CUL7: variants seen among roughly 807,000 people sequenced by gnomAD.
CUL7 encodes the protein cullin-7.
A neutral mutation model predicts 177.7 loss-of-function variants in CUL7; 96 were observed. That is an observed-to-expected ratio of 0.54 (90% CI 0.46 to 0.64). CUL7 has a LOEUF of 0.64. Ranked by LOEUF, CUL7 falls within the 30% of genes least tolerant of loss-of-function variation. CUL7 has a pLI of 0.00. For missense variants in CUL7, 1,893 were observed against 2,187.9 expected (o/e 0.87, Z 2.69); for synonymous variants, 824 against 890.2 (o/e 0.93, Z 1.32).
chr6:43,046,742 G>A (rs1763948168), intron 10 of CUL7, 138 bp downstream of exon 10: 2 of 1,364,964 alleles, frequency 1.5e-6, no homozygotes, highest in Non-Finnish European at 2.1e-6. Flanking sequence ...ATGGGGCAGA[G>A]GGGAAGGGGA....
intron 19 of CUL7, among the ~76,000 whole-genome samples, chr6:43,041,439 C>G (rs970168944): frequency 6.6e-6 from 1 of 151,924 alleles, no homozygotes; most frequent in Non-Finnish European, 1.5e-5. Context: ...AACCCCATCT[C>G]TACTAAAAAT....
Position 43,040,560 on chromosome 6 carries a change from CAG to C in CUL7, c.3991_3992del (p.Leu1331GlufsTer47). 2.5e-6 allele frequency: 4 copies of C among 1,614,040 alleles called. No homozygotes were observed. Among genetic ancestry groups the C allele is most frequent in the Non-Finnish European group, 2.5e-6 (3 of 1,180,004 alleles). On this transcript the variant is annotated frameshift_variant, in exon 21 of 26. Coordinates refer to ENST00000265348, the MANE Select transcript of CUL7 (RefSeq NM_014780.5). LOFTEE classifies it high-confidence loss of function. This position sits in a 1 kb window ranked among gnomAD's most constrained non-coding sequence, Gnocchi z 4.2. Reference protein sequence around the residue: ...YQLQQLDQELLKLEDTEKKIQ... With the variant: ...YQLQQLDQELXKLEDTEKKIQ... ...TTTTCTTCTCTGTATCCTCCAGCTT[CAG>C]GAGTTCCTGATCCAGCTGCTGGAGC...
At chr6:43,048,854 G>A (rs754382998) in intron 7 of CUL7, among the ~76,000 whole-genome samples, 21 of 149,906 alleles carry the variant, frequency 1.4e-4, no homozygotes, top group Non-Finnish European at 2.8e-4. Flanking sequence ...TGCAACCTCC[G>A]CCTCCTGGGT....
In CUL7 at chr6:43,043,352, G is replaced by T; in HGVS notation, c.3355+96C>A. 7.6e-7 allele frequency: 1 copy of T among 1,324,074 alleles called. No individual in the cohort carries two copies. The highest frequency in any genetic ancestry group is 1.1e-6 in the Non-Finnish European group (1 of 922,756). 82.0% of individuals were successfully genotyped at this position (1,324,074 alleles called of 1,614,324 possible). On this transcript the variant is annotated intron_variant, in intron 17 of 25. Transcript: ENST00000265348. This position sits in a 1 kb window ranked among gnomAD's most constrained non-coding sequence, Gnocchi z 4.2. ...ATGAACAGGCTGAGCCCATAGGGAG[G>T]GGAAGGATGGGGATGGACAGAAGCC...
At position 43,050,816 on chromosome 6, in the gene CUL7, C is replaced by A. The variant is rs370558597; in HGVS notation, c.1233+152G>T. On this transcript the variant is annotated intron_variant, in intron 4 of 25. Transcript: ENST00000265348. This position sits in a 1 kb window ranked among gnomAD's most constrained non-coding sequence, Gnocchi z 4.1. Reference sequence around the variant, plus strand: ...AGATTTTCCCAGCTCTCAGAATGGCCCCCCTCTCAACTACTGACTCTTTTC... The same window carrying A: ...AGATTTTCCCAGCTCTCAGAATGGCACCCCTCTCAACTACTGACTCTTTTC... 1.5e-5 allele frequency: 15 copies of A among 993,560 alleles called. No homozygotes were observed. In the African/African-American group the frequency reaches 1.6e-4, roughly 11 times the overall value. The allele number at this position is 993,560 out of a possible 1,614,324, so 61.5% of individuals were successfully genotyped here. A position where few individuals can be genotyped will look rare whatever the true frequency, so the allele number is the denominator to read the frequency against.
Position 43,052,884 on chromosome 6 carries a change from G to A in CUL7, c.-8-88C>T. 2 of 1,379,812 alleles carry A rather than the reference G, an allele frequency of 1.4e-6. No individual in the cohort carries two copies. Among genetic ancestry groups the A allele is most frequent in the South Asian group, 2.5e-5 (2 of 80,966 alleles). The allele number at this position is 1,379,812 out of a possible 1,614,324, so 85.5% of individuals were successfully genotyped here. A position where few individuals can be genotyped will look rare whatever the true frequency, so the allele number is the denominator to read the frequency against. ...ATATCCAGGAGGTGGGGAAGCAAAT[G>A]GCAACAGCTGTCAGGCGGGGTGGGG... On this transcript the variant is annotated intron_variant, in intron 1 of 25. Coordinates refer to ENST00000265348, the MANE Select transcript of CUL7 (RefSeq NM_014780.5). The surrounding 1 kb of genome is among the most constrained non-coding windows in gnomAD (Gnocchi z 4.5).
chr6:43,051,294 G>A lies in CUL7; in HGVS notation c.907C>T (p.Leu303=). 1 of 1,610,194 alleles carries A rather than the reference G, an allele frequency of 6.2e-7. No individual in the cohort carries two copies. The highest frequency in any genetic ancestry group is 1.1e-5 in the South Asian group (1 of 90,892). Residue 303 remains leucine, a synonymous_variant, in exon 4 of 26, where the codon CTG becomes TTG. Coordinates refer to ENST00000265348, the MANE Select transcript of CUL7 (RefSeq NM_014780.5). The surrounding 1 kb of genome is among the most constrained non-coding windows in gnomAD (Gnocchi z 5.0). The part of the protein sequence containing the change: ...ELEFSMAMGT[L]ISELVQAMRW... ...ATGGCTTGCACCAGCTCCGAGATCA[G>A]GGTGCCCATGGCCATACTGAACTCC... is the stretch of plus-strand genomic sequence containing the variant.
chr6:43,044,323 A>G (rs1243939478), intron 16 of CUL7, among the ~76,000 whole-genome samples: 2 of 151,944 alleles, frequency 1.3e-5, no homozygotes, highest in Non-Finnish European at 2.9e-5. Flanking sequence ...ACTCTGTCTC[A>G]AAAAAATAAA....
At chr6:43,047,202 T>C (rs1428276167) in intron 9 of CUL7, 95 bp from the exon 10 acceptor site, 2 of 780,454 alleles carry the variant, frequency 2.6e-6, no homozygotes, top group Non-Finnish European at 4.7e-6. Context: ...CTCTGTGTAC[T>C]GGGTGCTAGG....
At position 43,051,613 on chromosome 6, in the gene CUL7, T is replaced by A. The variant is rs905215009; in HGVS notation, c.731A>T (p.Gln244Leu). ...PMSFEGIQLP[Q>L]VPGRVLFSLV... is the part of the protein sequence containing the mutation. Reference sequence around the variant, plus strand: ...CCACCTTACACCCCCAAAGGTTACCTGTGGTAGCTGAATGCCCTCGAAAGA... The same window carrying A: ...CCACCTTACACCCCCAAAGGTTACCAGTGGTAGCTGAATGCCCTCGAAAGA... Residue 244 changes from glutamine to leucine, a missense_variant and splice_region_variant, in exon 3 of 26, where the codon CAG becomes CTG. This residue lies in a region of CUL7 where 653 missense variants were observed against 725.2 expected (regional missense o/e 0.90). Transcript: ENST00000265348. This position sits in a 1 kb window ranked among gnomAD's most constrained non-coding sequence, Gnocchi z 5.0. 1 of 1,614,052 alleles carries A rather than the reference T, an allele frequency of 6.2e-7. No individual in the cohort carries two copies. Among genetic ancestry groups the A allele is most frequent in the African/African-American group, 1.3e-5 (1 of 74,910 alleles).
rs777504656 is a variant in CUL7, at chr6:43,052,346, G to C, written c.443C>G (p.Ala148Gly). 3.9e-5 allele frequency: 63 copies of C among 1,614,106 alleles called. 1 individual carries two copies. Among genetic ancestry groups the C allele is most frequent in the Admixed American group, 1.7e-4 (10 of 60,014 alleles). ...LHTVHVLSAY[A>G]SIEPLTGVFK... ...TACTCCAGTGAGGGGCTCAATGCTG[G>C]CATAGGCGCTGAGCACGTGGACAGT... is the stretch of plus-strand genomic sequence containing the variant. The change falls in exon 2 of 26, where the codon GCC becomes GGC. Residue 148 changes from alanine to glycine, a missense_variant. By Grantham distance (60) the Ala-to-Gly change is moderately conservative. Coordinates refer to ENST00000265348, the MANE Select transcript of CUL7 (RefSeq NM_014780.5). This position sits in a 1 kb window ranked among gnomAD's most constrained non-coding sequence, Gnocchi z 4.5.
chr6:43,038,126 A>G (rs550462094), intron 25 of CUL7, 115 bp from the exon 26 acceptor site: 299 of 1,488,284 alleles, frequency 2.0e-4, no homozygotes, highest in Non-Finnish European at 2.5e-4. Context: ...GACACGAGGT[A>G]CATCCCGACC....
rs1360218709 is a variant in CUL7, at chr6:43,040,766, G to C, written c.3807-20C>G. The stretch of plus-strand genomic sequence containing the variant: ...TAGTGCCTGCAGTGCATGCAGCCCG[G>C]GCCAAGCCTCAGTGTGGGCACCAGT... On this transcript the variant is annotated intron_variant, in intron 20 of 25. Transcript: ENST00000265348. The surrounding 1 kb of genome is among the most constrained non-coding windows in gnomAD (Gnocchi z 4.2). 1.9e-6 allele frequency: 3 copies of C among 1,613,280 alleles called. No homozygotes were observed. Among genetic ancestry groups the C allele is most frequent in the Non-Finnish European group, 2.5e-6 (3 of 1,179,312 alleles).
Position 43,050,902 on chromosome 6 carries a change from G to A in CUL7, c.1233+66C>T. On this transcript the variant is annotated intron_variant, in intron 4 of 25. Coordinates refer to ENST00000265348, the MANE Select transcript of CUL7 (RefSeq NM_014780.5). The surrounding 1 kb of genome is among the most constrained non-coding windows in gnomAD (Gnocchi z 4.1). Reference sequence around the variant, plus strand: ...TGGCCTGCTGGAGCCCCCCCATATAGAAGTCCCAGCTCTGCCCTACCCCAA... The same window carrying A: ...TGGCCTGCTGGAGCCCCCCCATATAAAAGTCCCAGCTCTGCCCTACCCCAA... The A allele has an allele frequency of 1.9e-6, 3 of 1,590,220 alleles. No individual in the cohort carries two copies. The highest frequency in any genetic ancestry group is 2.6e-6 in the Non-Finnish European group (3 of 1,165,288).
rs547972701 is a variant in CUL7 at position 43,050,495 on chromosome 6, C to T, written c.1234-97G>A. 6.9e-7 allele frequency: 1 copy of T among 1,455,798 alleles called. No homozygotes were observed. Among genetic ancestry groups the T allele is most frequent in the Non-Finnish European group, 9.5e-7 (1 of 1,053,658 alleles). 90.2% of individuals were successfully genotyped at this position (1,455,798 alleles called of 1,614,324 possible). A position where few individuals can be genotyped will look rare whatever the true frequency, so the allele number is the denominator to read the frequency against. The stretch of plus-strand genomic sequence containing the variant: ...AGGACTATAGCCCTCAGGGTGACCA[C>T]CTGGCCAGGTTTTAGAAAAACCTCC... On this transcript the variant is annotated intron_variant, in intron 4 of 25. Coordinates refer to ENST00000265348, the MANE Select transcript of CUL7 (RefSeq NM_014780.5). This position sits in a 1 kb window ranked among gnomAD's most constrained non-coding sequence, Gnocchi z 4.1.
At position 43,040,904 on chromosome 6, in the gene CUL7, T is replaced by C. The variant is rs1226116710; in HGVS notation, c.3806+11A>G. On this transcript the variant is annotated intron_variant, in intron 20 of 25. Transcript: ENST00000265348. This position sits in a 1 kb window ranked among gnomAD's most constrained non-coding sequence, Gnocchi z 4.2. ...CTCCCGCCAGCTCCCGCTCCTTAGG[T>C]CCACACTCACTGGTAATAATGCTCA... The C allele has an allele frequency of 1.2e-6, 2 of 1,612,682 alleles. No individual in the cohort carries two copies. The highest frequency in any genetic ancestry group is 3.3e-5 in the Admixed American group (2 of 59,816).
intron 11 of CUL7, 31 bp downstream of exon 11, chr6:43,046,480 G>A (rs1763916866): frequency 3.1e-6 from 5 of 1,614,178 alleles, no homozygotes; most frequent in East Asian, 4.5e-5. Context: ...TAGGTGTGGG[G>A]AGGTGGAGCA....
rs148418986 is a variant in CUL7 at position 43,043,586 on chromosome 6, G to C, written c.3217C>G (p.Leu1073Val). 8 of 1,613,426 alleles carry C rather than the reference G, an allele frequency of 5.0e-6. No individual in the cohort carries two copies. The highest frequency in any genetic ancestry group is 6.8e-6 in the Non-Finnish European group (8 of 1,179,692). Reference sequence around the variant, plus strand: ...TTGAAGACAGCTTCCTGACACTCCAGGTACTGGTCCAGCAGCCAACCCAGG... The same window carrying C: ...TTGAAGACAGCTTCCTGACACTCCACGTACTGGTCCAGCAGCCAACCCAGG... ...SPLGWLLDQY[L>V]ECQEAVFNPQ... Residue 1073 changes from leucine to valine, a missense_variant, in exon 17 of 26, where the codon CTG becomes GTG. Leu to Val is a conservative substitution (Grantham distance 32). Transcript: ENST00000265348. This position sits in a 1 kb window ranked among gnomAD's most constrained non-coding sequence, Gnocchi z 4.2.
chr6:43,050,279 G>A lies in CUL7; in HGVS notation c.1353C>T (p.Ala451=). 1 of 1,614,126 alleles carries A rather than the reference G, an allele frequency of 6.2e-7. No individual in the cohort carries two copies. Among genetic ancestry groups the A allele is most frequent in the Non-Finnish European group, 8.5e-7 (1 of 1,180,028 alleles). The stretch of plus-strand genomic sequence containing the variant: ...GCTCACCTCTACCCAGGACTCTACT[G>A]GCCACTGCCCCTTGGTACTCATCAG... ...VEADEYQGAV[A]SRVLGRALPA... The change falls in exon 5 of 26, where the codon GCC becomes GCT. Residue 451 remains alanine (A), a synonymous_variant. Coordinates refer to ENST00000265348, the MANE Select transcript of CUL7 (RefSeq NM_014780.5). The surrounding 1 kb of genome is among the most constrained non-coding windows in gnomAD (Gnocchi z 4.1).
Sources: gnomAD v4.1 joint callset for allele counts (sites outside exome capture counted in the v4.1 genomes callset) on GRCh38, gnomAD v4.1.1 for gene constraint, gnomAD v4.1.1 regional missense constraint, Gnocchi (gnomAD v3.1) non-coding constraint, MANE v1.5 for transcripts, NCBI Gene and HGNC (gene_info 2026-07-23, HGNC 2026-07-21) for gene names.